The following GNB1 variants were observed in gnomAD, a reference collection of about 807,000 sequenced individuals.
The protein encoded by GNB1 is G protein subunit beta 1.
In GNB1, 2 loss-of-function variants were observed where a neutral mutation model predicts 42.9. The observed-to-expected ratio is 0.05, with a 90% CI of 0.02 to 0.15. GNB1 has a LOEUF of 0.15. GNB1 is among the 10% of genes least tolerant of loss of function. GNB1 has a pLI of 1.00. For missense variants in GNB1, 193 were observed against 462.2 expected, an observed-to-expected ratio of 0.42 and a Z score of 5.34; for synonymous variants, 183 against 174.7, an observed-to-expected ratio of 1.05 and a Z score of -0.38.
chr1:1,801,897 C>A (rs998822777), intron 7 of GNB1, among the ~76,000 whole-genome samples: 4 of 152,120 alleles, frequency 2.6e-5, no homozygotes, highest in Non-Finnish European at 4.4e-5. Context: ...GCTGAAAGGA[C>A]CCCCATGAAG....
intron 2 of GNB1, among the ~76,000 whole-genome samples, chr1:1,830,032 G>A (rs185459870): frequency 6.6e-6 from 1 of 152,024 alleles, no homozygotes; most frequent in Admixed American, 6.6e-5. Flanking sequence ...GAGCCACTGC[G>A]CCCGGCCCGC....
chr1:1,825,591 G>C (rs573520475), intron 2 of GNB1, 92 bp from the exon 3 acceptor site: 17 of 750,152 alleles, frequency 2.3e-5, no homozygotes, highest in Admixed American at 3.7e-5. Context: ...TAAGGTGGGC[G>C]TGGTGGCTCA....
chr1:1,839,494 GAA>G (rs1369491169), intron 1 of GNB1: 2 of 152,082 alleles, frequency 1.3e-5, no homozygotes, highest in African/African-American at 4.8e-5. Flanking sequence ...GAATTAAACT[GAA>G]AAGTATGGGC....
At chr1:1,876,492 C>CGA (rs35226472) in intron 1 of GNB1, among the ~76,000 whole-genome samples, 21,249 of 147,810 alleles carry the variant, frequency 0.14, 1,537 homozygotes, top group Middle Eastern at 0.27. Flanking sequence ...CATGTGCACA[C>CGA]GAGAGAGAGA....
intron 1 of GNB1, among the ~76,000 whole-genome samples, chr1:1,872,578 G>A (rs1054783457): frequency 6.6e-6 from 1 of 152,030 alleles, no homozygotes. Context: ...GCTGAGCTTC[G>A]CCTGCTGTCC....
intron 3 of GNB1, among the ~76,000 whole-genome samples, chr1:1,819,472 C>T (rs1161470247): frequency 6.6e-6 from 1 of 152,114 alleles, no homozygotes; most frequent in Non-Finnish European, 1.5e-5. Flanking sequence ...CCGCTCATCT[C>T]AGCCTCCCAA....
In GNB1 at chr1:1,785,803, C is replaced by CA; in HGVS notation, c.*1259_*1260insT. On this transcript the variant is annotated 3_prime_UTR_variant, in exon 12 of 12. Transcript: ENST00000378609. ...CCAACAGCAGTCGTTTGCAACAGAA[C>CA]TTTTTTTTTTTTAAAGAAATAAAGA... The CA allele has an allele frequency of 6.8e-6, 2 of 292,184 alleles. No individual in the cohort carries two copies. The highest frequency in any genetic ancestry group is 5.2e-5 in the East Asian group (1 of 19,096). 18.1% of individuals were successfully genotyped at this position (292,184 alleles called of 1,614,324 possible).
chr1:1,843,916 C>T (rs1224312896), intron 1 of GNB1, among the ~76,000 whole-genome samples: 1 of 151,630 alleles, frequency 6.6e-6, no homozygotes, highest in African/African-American at 2.4e-5. Flanking sequence ...AAATTACTGG[C>T]CGGGTGCGGT....
chr1:1,871,252 G>T (rs1204584018), intron 1 of GNB1, among the ~76,000 whole-genome samples: 1 of 152,096 alleles, frequency 6.6e-6, no homozygotes, highest in Non-Finnish European at 1.5e-5. Flanking sequence ...TTAAGGCCAG[G>T]AGTTAGAGAC....
intron 1 of GNB1, among the ~76,000 whole-genome samples, chr1:1,844,460 G>C (rs1217553897): frequency 6.6e-6 from 1 of 151,206 alleles, no homozygotes; most frequent in Non-Finnish European, 1.5e-5. Flanking sequence ...ACTCTATACA[G>C]CTAATTTAGC....
At chr1:1,839,881 G>A (rs1343292758) in intron 1 of GNB1, among the ~76,000 whole-genome samples, 3 of 151,902 alleles carry the variant, frequency 2.0e-5, no homozygotes, top group East Asian at 1.9e-4. Context: ...CAGTCTGGGC[G>A]CGGTGGCTCA....
intron 7 of GNB1, 31 bp from the exon 8 acceptor site, chr1:1,793,342 G>C (rs374613056): frequency 6.6e-7 from 1 of 1,511,098 alleles, no homozygotes; most frequent in Non-Finnish European, 9.2e-7. Context: ...GTGATGAGCT[G>C]AATCCAGCAG....
chr1:1,886,613 CCAAA>C (rs1650171457), intron 1 of GNB1, among the ~76,000 whole-genome samples: 1 of 152,230 alleles, frequency 6.6e-6, no homozygotes, highest in African/African-American at 2.4e-5. Context: ...TGTTCCTAAA[CCAAA>C]CACTTAACTG....
Position 1,788,869 on chromosome 1 carries a change from T to C in GNB1, c.916+184A>G, listed in dbSNP as rs545349719. ...CGCATGTGGGAAGATCTGCTGGTAC[T>C]CCTCGGAGTCCACTTGCCTGGAGGG... On this transcript the variant is annotated intron_variant, in intron 10 of 11. Transcript: ENST00000378609. 5.9e-4 allele frequency: 339 copies of C among 573,338 alleles called. 1 individual carries two copies. Among genetic ancestry groups the C allele is most frequent in the Admixed American group, 1.9e-3 (63 of 33,908 alleles). 35.5% of individuals were successfully genotyped at this position (573,338 alleles called of 1,614,324 possible). A position where few individuals can be genotyped will look rare whatever the true frequency, so the allele number is the denominator to read the frequency against.
At chr1:1,834,602 G>A (rs1647119905) in intron 2 of GNB1, among the ~76,000 whole-genome samples, 1 of 151,978 alleles carries the variant, frequency 6.6e-6, no homozygotes, top group African/African-American at 2.4e-5. Flanking sequence ...GGGTCTAACA[G>A]GGAAAGGTGG....
intron 1 of GNB1, among the ~76,000 whole-genome samples, chr1:1,886,487 T>C (rs552134056): frequency 2.6e-5 from 4 of 152,222 alleles, no homozygotes; most frequent in Non-Finnish European, 5.9e-5. Flanking sequence ...TCTCTCTTCA[T>C]ACACACTCAC....
At chr1:1,788,877 G>A in intron 10 of GNB1, 176 bp downstream of exon 10, 1 of 585,442 alleles carries the variant, frequency 1.7e-6, no homozygotes, top group Non-Finnish European at 3.1e-6. Flanking sequence ...ACTCCTCGGA[G>A]TCCACTTGCC....
At chr1:1,875,208 T>C (rs12567685) in intron 1 of GNB1, among the ~76,000 whole-genome samples, 58,878 of 151,062 alleles carry the variant, frequency 0.39, 14,154 homozygotes, top group Admixed American at 0.54. Flanking sequence ...TTTTTTTTTT[T>C]GGAGACAAAG....
Position 1,793,226 on chromosome 1 carries a change from C to T in GNB1, c.497+19G>A, listed in dbSNP as rs1432233095. The T allele has an allele frequency of 6.3e-7, 1 of 1,577,048 alleles. No individual in the cohort carries two copies. The highest frequency in any genetic ancestry group is 8.7e-7 in the Non-Finnish European group (1 of 1,148,004). ...CTGTGGGTTCTCAAGGCACTGCCTG[C>T]CCCGGGTCAGGTACTTACCACGTGG... On this transcript the variant is annotated intron_variant, in intron 8 of 11. Transcript: ENST00000378609.
Sources: gnomAD v4.1 joint callset for allele counts (sites outside exome capture counted in the v4.1 genomes callset) on GRCh38, gnomAD v4.1.1 for gene constraint, MANE v1.5 for transcripts, NCBI Gene and HGNC (gene_info 2026-07-23, HGNC 2026-07-21) for gene names.